Variants in CEP164 observed in about 807,000 individuals in gnomAD.
CEP164 encodes the protein centrosomal protein of 164 kDa.
In CEP164, 162 loss-of-function variants were observed where a neutral mutation model predicts 182.7. That is an observed-to-expected ratio of 0.89 (90% CI 0.78 to 1.01). The LOEUF (loss-of-function observed/expected upper bound fraction) is 1.01, where lower values mean the gene tolerates loss of function less well. CEP164 is among the 50% of genes least tolerant of loss of function. CEP164 has a pLI of 0.00. For missense variants in CEP164, 1,735 were observed against 1,790.4 expected, an observed-to-expected ratio of 0.97 and a Z score of 0.56; for synonymous variants, 661 against 690.0, an observed-to-expected ratio of 0.96 and a Z score of 0.66.
intron 3 of CEP164, among the ~76,000 whole-genome samples, chr11:117,339,163 A>G (rs1445263023): frequency 3.3e-5 from 5 of 152,138 alleles, no homozygotes; most frequent in African/African-American, 4.8e-5. Context: ...AACAGCCACA[A>G]TGGTTTATGT....
intron 8 of CEP164, among the ~76,000 whole-genome samples, chr11:117,364,869 A>G (rs1294896149): frequency 6.6e-6 from 1 of 152,222 alleles, no homozygotes; most frequent in Non-Finnish European, 1.5e-5. Flanking sequence ...CTGCACAGTC[A>G]GATACCTTTT....
chr11:117,373,873 T>C (rs1365117409), intron 10 of CEP164, 42 bp downstream of exon 10: 3 of 1,556,714 alleles, frequency 1.9e-6, no homozygotes, highest in African/African-American at 1.4e-5. Flanking sequence ...GTGAAGAGCA[T>C]AGATTTGTGA....
chr11:117,351,739 C>CTTTTTT, intron 4 of CEP164, 51 bp from the exon 5 acceptor site: 1 of 1,322,394 alleles, frequency 7.6e-7, no homozygotes, highest in Admixed American at 2.5e-5. Flanking sequence ...TTTTTTTTTT[C>CTTTTTT]TTCTTTTGTA....
At chr11:117,362,618 G>A in intron 7 of CEP164, 80 bp downstream of exon 7, 7 of 1,481,548 alleles carry the variant, frequency 4.7e-6, no homozygotes, top group Admixed American at 2.1e-5. Flanking sequence ...TGCTGTGATA[G>A]AAAAAATATG....
intron 2 of CEP164, among the ~76,000 whole-genome samples, chr11:117,337,106 AAC>A (rs2037273822): frequency 6.6e-6 from 1 of 152,176 alleles, no homozygotes. Flanking sequence ...GGGCTGCCGT[AAC>A]ACAATACCGT....
rs577879220 is a variant in CEP164, at chr11:117,396,924, C to T, written c.3279-167C>T. 1.1e-4 allele frequency among the ~76,000 whole-genome samples: 17 copies of T among 152,366 alleles called. No individual in the cohort carries two copies. In the East Asian group the frequency reaches 2.3e-3, roughly 21 times the overall value. On this transcript the variant is annotated intron_variant, in intron 26 of 32. Coordinates refer to ENST00000278935, the MANE Select transcript of CEP164 (RefSeq NM_014956.5). ...GGGGCACTGTCAGTCCCAGGCACTGCGCACTGTGGGTATTGAACAGTGGCA... is the reference window on the plus strand; with the variant it reads ...GGGGCACTGTCAGTCCCAGGCACTGTGCACTGTGGGTATTGAACAGTGGCA...
chr11:117,392,654 C>A, intron 19 of CEP164, 27 bp downstream of exon 19: 2 of 1,608,522 alleles, frequency 1.2e-6, no homozygotes, highest in South Asian at 2.2e-5. Flanking sequence ...CTTCCACAGT[C>A]GTGTGCGCCT....
At chr11:117,353,548 G>A (rs1592109384) in intron 5 of CEP164, among the ~76,000 whole-genome samples, 1 of 152,314 alleles carries the variant, frequency 6.6e-6, no homozygotes. Flanking sequence ...GTAAAGGACC[G>A]AGATGTAGAT....
At chr11:117,376,531 G>A (rs2042760563) in intron 11 of CEP164, among the ~76,000 whole-genome samples, 1 of 152,246 alleles carries the variant, frequency 6.6e-6, no homozygotes. Flanking sequence ...AAGTGTAAGG[G>A]AACATTTGGT....
intron 5 of CEP164, among the ~76,000 whole-genome samples, chr11:117,353,947 C>T (rs566500563): frequency 5.9e-5 from 9 of 152,068 alleles, no homozygotes; most frequent in African/African-American, 2.2e-4. Context: ...TCTCTTCGCG[C>T]CCTGTTAAAA....
chr11:117,336,107 AC>A, intron 2 of CEP164: 1 of 1,500,554 alleles, frequency 6.7e-7, no homozygotes, highest in Non-Finnish European at 8.9e-7. Context: ...TGGGGGGAGC[AC>A]AAGGGCTACT....
rs551676752 is a variant in CEP164 at position 117,362,627 on chromosome 11, T to A, written c.687+89T>A. 4.9e-4 allele frequency: 712 copies of A among 1,464,938 alleles called. 5 individuals are homozygous for A. The highest frequency in any genetic ancestry group is 8.7e-5 in the Non-Finnish European group (94 of 1,080,426). 90.7% of individuals were successfully genotyped at this position (1,464,938 alleles called of 1,614,324 possible). On this transcript the variant is annotated intron_variant, in intron 7 of 32. Coordinates refer to ENST00000278935, the MANE Select transcript of CEP164 (RefSeq NM_014956.5). ...TGTTTTTGCTGTGATAGAAAAAATA[T>A]GTAACATAAAATTTGCCCTTTTAAC...
rs1230691362 is a variant in CEP164, at chr11:117,351,993, G to A, written c.393+5G>A. ...GACCCCCCCAAAAGTTCGCTGGTGAGTCAGTGGATGCCTCCTCCCAGAGAG... is the reference window on the plus strand; with the variant it reads ...GACCCCCCCAAAAGTTCGCTGGTGAATCAGTGGATGCCTCCTCCCAGAGAG... On this transcript the variant is annotated splice_donor_5th_base_variant and intron_variant, in intron 5 of 32. Coordinates refer to ENST00000278935, the MANE Select transcript of CEP164 (RefSeq NM_014956.5). 7.7e-6 allele frequency: 12 copies of A among 1,561,836 alleles called. No individual in the cohort carries two copies. Among genetic ancestry groups the A allele is most frequent in the Non-Finnish European group, 1.0e-5 (12 of 1,152,784 alleles).
At chr11:117,324,873 C>T (rs1420652348), upstream of CEP164, among the ~76,000 whole-genome samples, 1 of 152,012 alleles carries the variant, frequency 6.6e-6, no homozygotes, top group Non-Finnish European at 1.5e-5. Context: ...ATGGTGGTGA[C>T]AGAGTAAGAC....
chr11:117,392,601 T>A lies in CEP164; in HGVS notation c.2467T>A (p.Tyr823Asn). ...GGAGCACAGAGTTCACCAGAAGTCTTATCACGTGGCTGGGTATGAGCACGA... is the reference window on the plus strand; with the variant it reads ...GGAGCACAGAGTTCACCAGAAGTCTAATCACGTGGCTGGGTATGAGCACGA... ...QVEHRVHQKS[Y>N]HVAGYEHELS... Residue 823 changes from tyrosine (Y) to asparagine (N), a missense_variant, in exon 19 of 33, where the codon TAT (tyrosine) becomes AAT (asparagine). Coordinates refer to ENST00000278935, the MANE Select transcript of CEP164 (RefSeq NM_014956.5). 1 of 1,614,128 alleles carries A rather than the reference T, an allele frequency of 6.2e-7. No homozygotes were observed. Among genetic ancestry groups the A allele is most frequent in the Non-Finnish European group, 8.5e-7 (1 of 1,180,018 alleles).
At chr11:117,373,701 A>T (rs767601393) in intron 9 of CEP164, 50 bp from the exon 10 acceptor site, 3 of 1,520,906 alleles carry the variant, frequency 2.0e-6, no homozygotes, top group Non-Finnish European at 1.8e-6. Context: ...AGGGACCATG[A>T]CTCTTTGTGC....
At chr11:117,328,772 A>G (rs938800960) in intron 1 of CEP164, among the ~76,000 whole-genome samples, 26 of 152,184 alleles carry the variant, frequency 1.7e-4, no homozygotes, top group African/African-American at 6.3e-4. Context: ...TACAGCAAAC[A>G]TTTGTCGGAC....
chr11:117,364,773 C>T lies in CEP164; in HGVS notation c.765+1267C>T, dbSNP rs373607034. On this transcript the variant is annotated intron_variant, in intron 8 of 32. Coordinates refer to ENST00000278935, the MANE Select transcript of CEP164 (RefSeq NM_014956.5). ...TTGGGCTCCCGAAGTGCTGGGATTA[C>T]AGGCGTGAGCCACTGTGCCCAGCCT... is the stretch of plus-strand genomic sequence containing the variant. Among the ~76,000 whole-genome samples the T allele has an allele frequency of 1.2e-4, 19 of 152,298 alleles. 1 individual carries two copies. In the South Asian group the frequency reaches 3.9e-3, roughly 32 times the overall value.
At chr11:117,324,703 G>A (rs2035367003), upstream of CEP164, among the ~76,000 whole-genome samples, 3 of 151,940 alleles carry the variant, frequency 2.0e-5, no homozygotes, top group Admixed American at 2.0e-4. Flanking sequence ...CATTTGGATG[G>A]CAATTAAAAT....
Sources: allele counts gnomAD v4.1 joint callset (sites outside exome capture counted in the v4.1 genomes callset), GRCh38; gene constraint gnomAD v4.1.1; transcripts MANE v1.5; gene names NCBI Gene and HGNC (gene_info 2026-07-23, HGNC 2026-07-21).